VWA8: variants seen among roughly 807,000 people sequenced by gnomAD.
VWA8 encodes von Willebrand factor A domain-containing protein 8.
A neutral mutation model predicts 241.5 loss-of-function variants in VWA8; 221 were observed. The ratio of observed to expected loss-of-function variants is 0.91; its 90% CI spans 0.82 to 1.02. The LOEUF (loss-of-function observed/expected upper bound fraction) is 1.02. VWA8 is among the 50% of genes least tolerant of loss of function. The pLI is 0.00. For missense variants in VWA8, 2,322 were observed against 2,328.7 expected (o/e 1.00, Z 0.06); for synonymous variants, 852 against 827.1 (o/e 1.03, Z -0.52).
rs762522444 is a variant in VWA8 at position 41,907,647 on chromosome 13, G to C, written c.422C>G (p.Thr141Ser). The C allele has an allele frequency of 3.1e-6, 5 of 1,614,066 alleles. No homozygotes were observed. The East Asian group carries it at 8.9e-5, about 29-fold the overall frequency. The stretch of plus-strand genomic sequence containing the variant: ...TCGTCGCTGTTTGAGATCAGTTTCA[G>C]TGGTGTCCCTTGACAGGGCAATGTA... ...VEYIALSRDT[T>S]ETDLKQRREI... Residue 141 changes from threonine to serine, a missense_variant, in exon 4 of 45, where the codon ACT (threonine) becomes AGT (serine). Physicochemically the swap from Thr to Ser is moderately conservative, Grantham distance 58 (BLOSUM62 1). Transcript: ENST00000379310.
intron 9 of VWA8, among the ~76,000 whole-genome samples, chr13:41,875,413 C>T (rs1379588670): frequency 1.3e-5 from 2 of 152,028 alleles, no homozygotes; most frequent in African/African-American, 4.8e-5. Context: ...ATTCCAGAAA[C>T]AGTCATTTCT....
intron 2 of VWA8, chr13:41,926,142 G>A (rs1876821817): frequency 1.7e-6 from 1 of 594,788 alleles, no homozygotes; most frequent in African/African-American, 1.9e-5. Flanking sequence ...CATAATTGGA[G>A]TTCAGGGGAA....
In VWA8 at chr13:41,893,757, G is replaced by A. The variant is rs544878178; in HGVS notation, c.484-2170C>T. Among the ~76,000 whole-genome samples the A allele has an allele frequency of 1.4e-4, 22 of 152,214 alleles. No homozygotes were observed. The South Asian group carries it at 4.1e-3, about 29-fold the overall frequency. On this transcript the variant is annotated intron_variant, in intron 4 of 44. Transcript: ENST00000379310. Reference sequence around the variant, plus strand: ...AAATTAGCCAAGTGTGGTGGCGGGCGCCTGTAATCCTAGCTACGTGGGAGG... The same window carrying A: ...AAATTAGCCAAGTGTGGTGGCGGGCACCTGTAATCCTAGCTACGTGGGAGG...
chr13:41,783,377 C>A (rs189610340), intron 19 of VWA8, among the ~76,000 whole-genome samples: 1 of 151,812 alleles, frequency 6.6e-6, no homozygotes, highest in Non-Finnish European at 1.5e-5. Flanking sequence ...TGGTGGCTCA[C>A]GCCTGTAATA....
rs374109848 is a variant in VWA8 at position 41,590,592 on chromosome 13, G to A, written c.5112+48C>T. The stretch of plus-strand genomic sequence containing the variant: ...ACTCACGAAAGCAAGTTTCTGTAAA[G>A]AGGGCTAGACTATGCAGAGCTGAGG... On this transcript the variant is annotated intron_variant, in intron 41 of 44. Transcript: ENST00000379310. The A allele has an allele frequency of 7.3e-6, 11 of 1,506,092 alleles. No homozygotes were observed. In the African/African-American group the frequency reaches 1.5e-4, roughly 21 times the overall value. 93.3% of individuals were successfully genotyped at this position (1,506,092 alleles called of 1,614,324 possible). A position where few individuals can be genotyped will look rare whatever the true frequency, so the allele number is the denominator to read the frequency against.
chr13:41,724,345 C>G (rs998791158), intron 24 of VWA8, among the ~76,000 whole-genome samples: 3 of 151,884 alleles, frequency 2.0e-5, no homozygotes, highest in African/African-American at 4.8e-5. Flanking sequence ...AGCAATAGAT[C>G]GCAAAAAGAG....
chr13:41,580,197 C>T (rs1046770095), intron 42 of VWA8, among the ~76,000 whole-genome samples: 1 of 152,160 alleles, frequency 6.6e-6, no homozygotes, highest in African/African-American at 2.4e-5. Flanking sequence ...CCCAGCTACG[C>T]TCCCCTCCCA....
intron 40 of VWA8, among the ~76,000 whole-genome samples, chr13:41,594,828 T>C (rs930053547): frequency 6.6e-6 from 1 of 152,186 alleles, no homozygotes; most frequent in African/African-American, 2.4e-5. Flanking sequence ...AGGATGCAAA[T>C]ACACTATAAG....
In VWA8 at chr13:41,886,778, T is replaced by G. The variant is rs372345269; in HGVS notation, c.866+3A>C. On this transcript the variant is annotated splice_donor_region_variant and intron_variant, in intron 7 of 44. Transcript: ENST00000379310. ...GTCCAGACATTTATAAAAATATACT[T>G]ACTTCTCAGCAGAAACATTGGCTCC... is the stretch of plus-strand genomic sequence containing the variant. 22 of 1,593,088 alleles carry G rather than the reference T, an allele frequency of 1.4e-5. No homozygotes were observed. In the African/African-American group the frequency reaches 2.4e-4, roughly 18 times the overall value.
chr13:41,630,848 T>C (rs1490558546), intron 37 of VWA8, among the ~76,000 whole-genome samples: 3 of 152,172 alleles, frequency 2.0e-5, no homozygotes, highest in Admixed American at 6.5e-5. Context: ...TAAATAAATA[T>C]GTATTGAATG....
chr13:41,717,230 G>C (rs1239101110), intron 26 of VWA8, among the ~76,000 whole-genome samples: 1 of 151,694 alleles, frequency 6.6e-6, no homozygotes, highest in East Asian at 1.9e-4. Flanking sequence ...TCCTGATTTA[G>C]ATGGTAAATC....
chr13:41,761,166 G>C lies in VWA8; in HGVS notation c.2388C>G (p.His796Gln). 6.2e-7 allele frequency: 1 copy of C among 1,611,848 alleles called. No individual in the cohort carries two copies. The highest frequency in any genetic ancestry group is 1.1e-5 in the South Asian group (1 of 90,992). Residue 796 changes from histidine to glutamine, a missense_variant, in exon 21 of 45, where the codon CAC becomes CAG. His to Gln is a conservative substitution (Grantham distance 24). Transcript: ENST00000379310. Reference protein sequence around the residue: ...GKNKIVDRFLHLLNRPREYIQ... With the variant: ...GKNKIVDRFLQLLNRPREYIQ... ...TATATTCTCGGGGTCTGTTGAGCAG[G>C]TGAAGGAATCTGTCAACAATCTTGT...
intron 43 of VWA8, 34 bp from the exon 44 acceptor site, chr13:41,570,740 C>T: frequency 6.3e-7 from 1 of 1,579,878 alleles, no homozygotes; most frequent in East Asian, 2.3e-5. Flanking sequence ...AAAGCCATGG[C>T]TGAGAAACTT....
At chr13:41,855,689 C>G (rs11617451) in intron 12 of VWA8, among the ~76,000 whole-genome samples, 24,738 of 151,914 alleles carry the variant, frequency 0.16, 2,005 homozygotes, top group East Asian at 0.18. Flanking sequence ...CACAAGGGAA[C>G]AAGGGAATTG....
chr13:41,727,442 G>A (rs2045445884), intron 23 of VWA8, 129 bp from the exon 24 acceptor site: 1 of 851,336 alleles, frequency 1.2e-6, no homozygotes, highest in African/African-American at 1.8e-5. Context: ...ATTTGGCTGT[G>A]ATAACTTGGT....
intron 2 of VWA8, among the ~76,000 whole-genome samples, chr13:41,937,481 T>C (rs1273533684): frequency 6.6e-5 from 10 of 152,244 alleles, no homozygotes; most frequent in East Asian, 3.9e-4. Flanking sequence ...TGTCCTCCTA[T>C]AAGAATCTAA....
intron 29 of VWA8, among the ~76,000 whole-genome samples, chr13:41,697,628 G>A (rs146060827): frequency 0.01 from 1,587 of 152,248 alleles, 29 homozygotes; most frequent in African/African-American, 0.037. Flanking sequence ...CCTTGCATGC[G>A]CAGTTCACAA....
chr13:41,840,487 G>A (rs937450683), intron 12 of VWA8, among the ~76,000 whole-genome samples: 1 of 152,006 alleles, frequency 6.6e-6, no homozygotes, highest in Admixed American at 6.6e-5. Context: ...GTTACAGGTG[G>A]TAGCTCATGC....
intron 9 of VWA8, among the ~76,000 whole-genome samples, chr13:41,880,784 T>C (rs1297915259): frequency 6.6e-6 from 1 of 152,178 alleles, no homozygotes; most frequent in East Asian, 1.9e-4. Flanking sequence ...ACAATGTCAA[T>C]TTGTCCCACC....
Sources: gnomAD v4.1 joint callset for allele counts (sites outside exome capture counted in the v4.1 genomes callset) on GRCh38, gnomAD v4.1.1 for gene constraint, MANE v1.5 for transcripts, NCBI Gene and HGNC (gene_info 2026-07-23, HGNC 2026-07-21) for gene names.